Variants in ZNF266 observed in about 807,000 individuals in gnomAD.
ZNF266 encodes the protein zinc finger protein 266, also known as zinc finger protein 1.
Under a neutral mutation model 16.4 loss-of-function variants are expected in ZNF266, and 16 were observed. The ratio of observed to expected loss-of-function variants is 0.98; its 90% CI spans 0.66 to 1.48. The LOEUF (loss-of-function observed/expected upper bound fraction) is 1.48, where lower values mean the gene tolerates loss of function less well. ZNF266 is among the 40% of genes most tolerant of loss of function. ZNF266 has a pLI of 0.00. For missense variants in ZNF266, 738 were observed against 689.1 expected (o/e 1.07, Z -0.79); for synonymous variants, 262 against 237.9 (o/e 1.10, Z -0.93).
In ZNF266 at chr19:9,413,485, G is replaced by A; in HGVS notation, c.1641C>T (p.Asn547=). 1.2e-6 allele frequency: 2 copies of A among 1,612,660 alleles called. No individual in the cohort carries two copies. Among genetic ancestry groups the A allele is most frequent in the Non-Finnish European group, 8.5e-7 (1 of 1,179,176 alleles). Residue 547 remains asparagine (N), a synonymous_variant, in exon 11 of 11, where the codon AAC becomes AAT. Coordinates refer to ENST00000592904, the MANE Select transcript of ZNF266 (RefSeq NM_001370374.1). Reference sequence around the variant, plus strand: ...CTCCAGTGTGGATCCGCATGTGAAGGTTAACACACGTGGGAAACTTAAAAG... The same window carrying A: ...CTCCAGTGTGGATCCGCATGTGAAGATTAACACACGTGGGAAACTTAAAAG... ...GKAFKFPTCV[N]LHMRIHTGEK...
chr19:9,418,679 A>G (rs1271619135), intron 7 of ZNF266, 48 bp from the exon 8 acceptor site: 1 of 954,966 alleles, frequency 1.0e-6, no homozygotes, highest in African/African-American at 1.6e-5. Flanking sequence ...CATGTCTACC[A>G]GTGTTCACTG....
At chr19:9,415,870 C>T in intron 9 of ZNF266, 128 bp from the exon 10 acceptor site, 1 of 695,052 alleles carries the variant, frequency 1.4e-6, no homozygotes, top group South Asian at 1.7e-5. Flanking sequence ...GTTGCCCAGG[C>T]TGGAGTGCAA....
In ZNF266 at chr19:9,413,144, G is replaced by T; in HGVS notation, c.*131C>A. 2.6e-6 allele frequency: 3 copies of T among 1,156,786 alleles called. No homozygotes were observed. Among genetic ancestry groups the T allele is most frequent in the African/African-American group, 1.5e-5 (1 of 64,956 alleles). 71.7% of individuals were successfully genotyped at this position (1,156,786 alleles called of 1,614,324 possible). ...CCTGATGCAGGGTCTTCTCCACTGT[G>T]AATTCATATGTGTTCATTAAGACCT... On this transcript the variant is annotated 3_prime_UTR_variant, in exon 11 of 11. Transcript: ENST00000592904.
intron 5 of ZNF266, among the ~76,000 whole-genome samples, chr19:9,425,478 G>C (rs1031856214): frequency 6.6e-6 from 1 of 152,216 alleles, no homozygotes; most frequent in East Asian, 1.9e-4. Context: ...CAGAGAGAGA[G>C]AGACCCCCTA....
chr19:9,414,149 C>G lies in ZNF266; in HGVS notation c.977G>C (p.Arg326Thr). The G allele has an allele frequency of 6.2e-7, 1 of 1,613,644 alleles. No homozygotes were observed. The highest frequency in any genetic ancestry group is 1.1e-5 in the South Asian group (1 of 91,068). Reference sequence around the variant, plus strand: ...AGGTTTCTCTCCAGTGTGAGTTTTTCTGTGCTGAGTAAGTTGACAAGACCT... The same window carrying G: ...AGGTTTCTCTCCAGTGTGAGTTTTTGTGTGCTGAGTAAGTTGACAAGACCT... ...FTRSCQLTQHRKTHTGEKPYK... is the reference protein window; with the variant it reads ...FTRSCQLTQHTKTHTGEKPYK... The change falls in exon 11 of 11, where the codon AGA (arginine) becomes ACA (threonine). Residue 326 changes from arginine to threonine, a missense_variant. Physicochemically the swap from Arg to Thr is moderately conservative, Grantham distance 71. Transcript: ENST00000592904.
chr19:9,418,219 G>C (rs1466602280), intron 8 of ZNF266, among the ~76,000 whole-genome samples: 1 of 152,184 alleles, frequency 6.6e-6, no homozygotes, highest in Non-Finnish European at 1.5e-5. Flanking sequence ...TAGCACATCA[G>C]ATTCATGAGA....
At chr19:9,417,946 A>G (rs758495742) in intron 8 of ZNF266, 38 bp from the exon 9 acceptor site, 5 of 1,575,960 alleles carry the variant, frequency 3.2e-6, no homozygotes, top group Non-Finnish European at 1.7e-6. Flanking sequence ...GAAGAGGCTC[A>G]TGCAAGAGAT....
chr19:9,430,007 C>T (rs1304796336), intron 5 of ZNF266, among the ~76,000 whole-genome samples: 1 of 134,322 alleles, frequency 7.4e-6, no homozygotes, highest in Non-Finnish European at 1.6e-5. Context: ...TCCTACCCCA[C>T]CCCCCCACCC....
intron 5 of ZNF266, chr19:9,420,441 C>A (rs2123037766): frequency 6.6e-6 from 1 of 152,174 alleles, no homozygotes; most frequent in African/African-American, 2.4e-5. Flanking sequence ...CAGTAGATAC[C>A]AATGACCCCT....
At position 9,417,822 on chromosome 19, in the gene ZNF266, A is replaced by G. The variant is rs769030865; in HGVS notation, c.316+6T>C. 2.0e-5 allele frequency: 32 copies of G among 1,613,040 alleles called. No homozygotes were observed. The highest frequency in any genetic ancestry group is 3.3e-4 in the Middle Eastern group (2 of 6,058). On this transcript the variant is annotated splice_donor_region_variant and intron_variant, in intron 9 of 10. Transcript: ENST00000592904. ...TTGACCAGGGCGGTCCTTTGTGAACACTCACCTTGGAAATCACCTCTCTGC... is the reference window on the plus strand; with the variant it reads ...TTGACCAGGGCGGTCCTTTGTGAACGCTCACCTTGGAAATCACCTCTCTGC...
rs147475552 is a variant in ZNF266 at position 9,434,559 on chromosome 19, T to C, written c.-410+239A>G. ...AATATAACGGATAAACAGTGTCTGCTAGTTTTAAAGAGACTAAAAGACATG... is the reference window on the plus strand; with the variant it reads ...AATATAACGGATAAACAGTGTCTGCCAGTTTTAAAGAGACTAAAAGACATG... On this transcript the variant is annotated intron_variant, in intron 3 of 10. Coordinates refer to ENST00000592904, the MANE Select transcript of ZNF266 (RefSeq NM_001370374.1). Among the ~76,000 whole-genome samples the C allele has an allele frequency of 1.4e-3, 206 of 152,344 alleles. 1 individual carries two copies. In the Middle Eastern group the frequency reaches 0.014, roughly 10 times the overall value.
At chr19:9,426,253 C>T (rs764709330) in intron 5 of ZNF266, among the ~76,000 whole-genome samples, 10 of 151,980 alleles carry the variant, frequency 6.6e-5, no homozygotes, top group Non-Finnish European at 1.3e-4. Flanking sequence ...CACTCGGGAC[C>T]ACCGGGAGCT....
intron 9 of ZNF266, among the ~76,000 whole-genome samples, chr19:9,417,590 G>C (rs774454946): frequency 6.6e-6 from 1 of 152,164 alleles, no homozygotes; most frequent in Non-Finnish European, 1.5e-5. Context: ...AGCCAGGCAT[G>C]GTGGCGTGAG....
chr19:9,416,583 C>T (rs1389473775), intron 9 of ZNF266, among the ~76,000 whole-genome samples: 3 of 148,538 alleles, frequency 2.0e-5, no homozygotes, highest in East Asian at 4.0e-4. Context: ...ATGCTGGTCT[C>T]GAACTCCTGA....
At position 9,414,337 on chromosome 19, in the gene ZNF266, G is replaced by A; in HGVS notation, c.789C>T (p.Ser263=). Residue 263 remains serine (S), a synonymous_variant, in exon 11 of 11, where the codon TCC becomes TCT. Transcript: ENST00000592904. The stretch of plus-strand genomic sequence containing the variant: ...TTTGTATACGCACAGCAAGGTCTGT[G>A]GAGTGAATAAAGCCTCTCCCACATT... ...WKECGRGFIH[S]TDLAVRIQTH... is the part of the protein sequence containing the mutation. 6.2e-7 allele frequency: 1 copy of A among 1,613,996 alleles called. No individual in the cohort carries two copies. Among genetic ancestry groups the A allele is most frequent in the Non-Finnish European group, 8.5e-7 (1 of 1,179,950 alleles).
At chr19:9,415,374 T>C (rs560223340) in intron 10 of ZNF266, among the ~76,000 whole-genome samples, 2 of 152,354 alleles carry the variant, frequency 1.3e-5, no homozygotes, top group East Asian at 1.9e-4. Context: ...TCCAGAGTCA[T>C]TATCCCTTTT....
Position 9,414,166 on chromosome 19 carries a change from A to G in ZNF266, c.960T>C (p.Cys320=). 2 of 1,613,144 alleles carry G rather than the reference A, an allele frequency of 1.2e-6. No individual in the cohort carries two copies. The highest frequency in any genetic ancestry group is 1.7e-6 in the Non-Finnish European group (2 of 1,179,708). The change falls in exon 11 of 11, where the codon TGT becomes TGC. Residue 320 remains cysteine, a synonymous_variant. Coordinates refer to ENST00000592904, the MANE Select transcript of ZNF266 (RefSeq NM_001370374.1). ...KECGKAFTRS[C]QLTQHRKTHT... is the part of the protein sequence containing the mutation. The stretch of plus-strand genomic sequence containing the variant: ...GAGTTTTTCTGTGCTGAGTAAGTTG[A>G]CAAGACCTGGTGAAGGCTTTCCCAC...
intron 5 of ZNF266, among the ~76,000 whole-genome samples, chr19:9,422,597 C>T (rs1232122839): frequency 6.6e-6 from 1 of 152,162 alleles, no homozygotes; most frequent in African/African-American, 2.4e-5. Context: ...TACTGGCACC[C>T]CAACTTCCTC....
chr19:9,432,330 T>C (rs76065078), intron 5 of ZNF266, among the ~76,000 whole-genome samples: 1,985 of 152,324 alleles, frequency 0.013, 15 homozygotes, highest in African/African-American at 0.025. Context: ...AAACCTAGTA[T>C]GTACTGCCAA....
Sources: allele counts gnomAD v4.1 joint callset (sites outside exome capture counted in the v4.1 genomes callset), GRCh38; gene constraint gnomAD v4.1.1; transcripts MANE v1.5; gene names NCBI Gene and HGNC (gene_info 2026-07-23, HGNC 2026-07-21).